TTK: variants seen among roughly 807,000 people sequenced by gnomAD.
TTK encodes TTK protein kinase.
Under a neutral mutation model 117.3 loss-of-function variants are expected in TTK, and 59 were observed. The ratio of observed to expected loss-of-function variants is 0.50; its 90% CI spans 0.41 to 0.62. The LOEUF is 0.62. Among genes scored for constraint, TTK ranks in the 20% least tolerant of loss-of-function variants. The pLI is 0.00. For synonymous variants in TTK, 302 were observed against 325.0 expected (o/e 0.93, Z 0.76); for missense variants, 921 against 989.4 (o/e 0.93, Z 0.93).
intron 16 of TTK, among the ~76,000 whole-genome samples, 200 bp downstream of exon 16, chr6:80,035,617 C>G (rs964008440): frequency 2.6e-5 from 4 of 152,130 alleles, no homozygotes; most frequent in African/African-American, 9.7e-5. Context: ...AGGACATCAA[C>G]TCAAGTTCCG....
In TTK at chr6:80,035,292, T is replaced by G; in HGVS notation, c.1799T>G (p.Met600Arg). 1 of 1,606,302 alleles carries G rather than the reference T, an allele frequency of 6.2e-7. No individual in the cohort carries two copies. Among genetic ancestry groups the G allele is most frequent in the Non-Finnish European group, 8.5e-7 (1 of 1,177,624 alleles). ...GAAATCACGGACCAGTACATCTACA[T>G]GGTAATGGAGTGTGGAAATATTGAT... Reference protein sequence around the residue: ...DYEITDQYIYMVMECGNIDLN... With the variant: ...DYEITDQYIYRVMECGNIDLN... Residue 600 changes from methionine (M) to arginine (R), a missense_variant, in exon 16 of 22, where the codon ATG becomes AGG. Met to Arg is a moderately conservative substitution (Grantham distance 91). Transcript: ENST00000369798.
intron 11 of TTK, among the ~76,000 whole-genome samples, chr6:80,022,857 G>A (rs1442526057): frequency 3.9e-5 from 6 of 152,180 alleles, no homozygotes; most frequent in African/African-American, 7.2e-5. Context: ...GGCCTGCAAA[G>A]TTTAAAATGT....
chr6:80,031,753 A>G (rs9352790), intron 14 of TTK, among the ~76,000 whole-genome samples, 194 bp downstream of exon 14: 44,178 of 151,886 alleles, frequency 0.29, 7,914 homozygotes, highest in East Asian at 0.63. Context: ...TAGATCTCTT[A>G]TTCCCAGTCT....
chr6:80,028,297 TTTTA>T (rs147216592), intron 13 of TTK, among the ~76,000 whole-genome samples: 86,978 of 146,502 alleles, frequency 0.59, 26,191 homozygotes, highest in Admixed American at 0.71. Flanking sequence ...TATTTTTTAT[TTTTA>T]TTTATTTATT....
At chr6:80,013,243 T>C in intron 8 of TTK, 36 bp from the exon 9 acceptor site, 1 of 1,537,476 alleles carries the variant, frequency 6.5e-7, no homozygotes, top group Non-Finnish European at 8.8e-7. Flanking sequence ...TTTTTTCAAA[T>C]TTAATGTTAA....
chr6:80,006,850 A>C (rs1477155524), intron 2 of TTK, among the ~76,000 whole-genome samples: 4 of 152,196 alleles, frequency 2.6e-5, no homozygotes, highest in African/African-American at 9.6e-5. Context: ...AAAGTTATGC[A>C]TGCACTATAT....
At chr6:80,031,611 G>A (rs239584) in intron 14 of TTK, 52 bp downstream of exon 14, 793,114 of 1,357,864 alleles carry the variant, frequency 0.58, 233,885 homozygotes, top group Admixed American at 0.76. Flanking sequence ...TAAACTTTCT[G>A]TTTTTTTGTC....
At chr6:80,013,505 G>C in intron 9 of TTK, 139 bp downstream of exon 9, 1 of 651,106 alleles carries the variant, frequency 1.5e-6, no homozygotes, top group Non-Finnish European at 2.6e-6. Context: ...CAAGAGCTGT[G>C]GGACTACGAG....
chr6:80,026,487 G>A lies in TTK; in HGVS notation c.1367G>A (p.Ser456Asn), dbSNP rs1277109339. Residue 456 changes from serine (S) to asparagine (N), a missense_variant, in exon 12 of 22, where the codon AGC (serine) becomes AAC (asparagine). By Grantham distance (46) the Ser-to-Asn change is conservative. Coordinates refer to ENST00000369798, the MANE Select transcript of TTK (RefSeq NM_003318.5). Reference protein sequence around the residue: ...DPKSICKTPSSNTLDDYMSCF... With the variant: ...DPKSICKTPSNNTLDDYMSCF... ...AAATCTATTTGTAAGACACCAAGCA[G>A]CAATACCTTGGATGATTACATGAGC... The A allele has an allele frequency of 6.2e-7, 1 of 1,613,822 alleles. No individual in the cohort carries two copies. The highest frequency in any genetic ancestry group is 1.7e-5 in the Admixed American group (1 of 60,012).
chr6:80,025,414 A>C (rs1767579847), intron 11 of TTK, among the ~76,000 whole-genome samples: 1 of 152,236 alleles, frequency 6.6e-6, no homozygotes, highest in African/African-American at 2.4e-5. Context: ...CAGTGTGTTG[A>C]AATTATAATA....
chr6:80,021,880 G>A (rs1175135148), intron 10 of TTK, among the ~76,000 whole-genome samples: 1 of 152,010 alleles, frequency 6.6e-6, no homozygotes, highest in Non-Finnish European at 1.5e-5. Flanking sequence ...CATGCCTGGT[G>A]GGAAAGGGAG....
intron 9 of TTK, among the ~76,000 whole-genome samples, chr6:80,013,789 C>T (rs907966055): frequency 1.3e-4 from 19 of 151,968 alleles, no homozygotes; most frequent in Non-Finnish European, 2.4e-4. Context: ...ATAAATAATC[C>T]TGACCTCCTG....
intron 21 of TTK, among the ~76,000 whole-genome samples, 189 bp from the exon 22 acceptor site, chr6:80,041,930 A>AATG (rs1209336521): frequency 6.6e-6 from 1 of 151,724 alleles, no homozygotes; most frequent in African/African-American, 2.4e-5. Flanking sequence ...CATGATAGGT[A>AATG]ATGCTTAAGG....
intron 16 of TTK, 102 bp from the exon 17 acceptor site, chr6:80,036,373 C>T: frequency 1.5e-6 from 2 of 1,343,586 alleles, no homozygotes; most frequent in Non-Finnish European, 2.0e-6. Context: ...ATTGGGTTCA[C>T]TAATTGAAGG....
intron 21 of TTK, 141 bp from the exon 22 acceptor site, chr6:80,041,978 A>G: frequency 2.1e-6 from 1 of 465,514 alleles, no homozygotes; most frequent in Non-Finnish European, 3.8e-6. Context: ...TATCTCTAAT[A>G]GTTTATAAAA....
In TTK at chr6:80,008,489, C is replaced by G; in HGVS notation, c.466C>G (p.Gln156Glu). Reference protein sequence around the residue: ...HISFAQFELSQGNVKKSKQLL... With the variant: ...HISFAQFELSEGNVKKSKQLL... ...ATCTTTTGCACAATTTGAACTGTCA[C>G]AAGGTAATCTGAAAATGTCAAATTC... is the stretch of plus-strand genomic sequence containing the variant. Residue 156 changes from glutamine (Q) to glutamate (E), a missense_variant, in exon 4 of 22, where the codon CAA becomes GAA. Coordinates refer to ENST00000369798, the MANE Select transcript of TTK (RefSeq NM_003318.5). The G allele has an allele frequency of 6.2e-7, 1 of 1,600,802 alleles. No homozygotes were observed.
At position 80,014,501 on chromosome 6, in the gene TTK, A is replaced by G. The variant is rs1247106342; in HGVS notation, c.1023A>G (p.Ser341=). 6.2e-7 allele frequency: 1 copy of G among 1,609,746 alleles called. No homozygotes were observed. The highest frequency in any genetic ancestry group is 1.1e-5 in the South Asian group (1 of 90,026). Residue 341 remains serine, a synonymous_variant, in exon 10 of 22, where the codon TCA becomes TCG. Transcript: ENST00000369798. The stretch of plus-strand genomic sequence containing the variant: ...GTCATTTCAAGGAACCTCTGGTGTC[A>G]GATGAAAAGAGTTCTGAACTTATTA... ...QNSHFKEPLV[S]DEKSSELIIT...
rs201745908 is a variant in TTK, at chr6:80,040,180, A to G, written c.2308-16A>G. The G allele has an allele frequency of 4.4e-5, 67 of 1,533,896 alleles. No homozygotes were observed. In the Admixed American group the frequency reaches 4.6e-4, roughly 11 times the overall value. On this transcript the variant is annotated splice_polypyrimidine_tract_variant and intron_variant, in intron 19 of 21. Coordinates refer to ENST00000369798, the MANE Select transcript of TTK (RefSeq NM_003318.5). ...ACCTGCTTTGTTTTTCTTTTAAAAT[A>G]TCTTTGTTTTAATAGTGTTGTTTAA...
Position 80,014,255 on chromosome 6 carries a change from C to G in TTK, c.985-208C>G, listed in dbSNP as rs371545989. Reference sequence around the variant, plus strand: ...AATACATCCACTGAAAGCAAATTGGCCAGATTTATGGTTATGACCCTTCCC... The same window carrying G: ...AATACATCCACTGAAAGCAAATTGGGCAGATTTATGGTTATGACCCTTCCC... On this transcript the variant is annotated intron_variant, in intron 9 of 21. Transcript: ENST00000369798. 2.5e-3 allele frequency among the ~76,000 whole-genome samples: 373 copies of G among 152,162 alleles called. 1 individual carries two copies. The highest frequency in any genetic ancestry group is 0.015 in the South Asian group (73 of 4,826).
Sources: allele counts gnomAD v4.1 joint callset (sites outside exome capture counted in the v4.1 genomes callset), GRCh38; gene constraint gnomAD v4.1.1; transcripts MANE v1.5; gene names NCBI Gene and HGNC (gene_info 2026-07-23, HGNC 2026-07-21).